Variants in GRIK4 observed in about 807,000 individuals in gnomAD.
GRIK4 encodes glutamate ionotropic receptor kainate type subunit 4, also known as glutamate receptor ionotropic, kainate 4.
A neutral mutation model predicts 104.9 loss-of-function variants in GRIK4; 40 were observed. The observed-to-expected ratio is 0.38, with a 90% CI of 0.30 to 0.50. The LOEUF (loss-of-function observed/expected upper bound fraction) is 0.50. Ranked by LOEUF, GRIK4 falls within the 20% of genes least tolerant of loss-of-function variation. GRIK4 has a pLI of 0.93. For missense variants in GRIK4, 1,047 were observed against 1,308.1 expected (o/e 0.80, Z 3.08); for synonymous variants, 485 against 524.9 (o/e 0.92, Z 1.04).
chr11:120,984,639 G>A (rs11607159), intron 20 of GRIK4, among the ~76,000 whole-genome samples: 35,104 of 151,396 alleles, frequency 0.23, 4,234 homozygotes, highest in African/African-American at 0.3. Flanking sequence ...GTGATGGCAC[G>A]TGCCTGTAAT....
intron 7 of GRIK4, among the ~76,000 whole-genome samples, chr11:120,833,949 G>A (rs1295588004): frequency 1.3e-5 from 2 of 152,056 alleles, no homozygotes; most frequent in African/African-American, 4.8e-5. Flanking sequence ...ATCATACAGA[G>A]TTCCCATAAT....
chr11:120,607,912 C>T (rs1009517418), intron 1 of GRIK4, among the ~76,000 whole-genome samples: 9 of 152,066 alleles, frequency 5.9e-5, no homozygotes, highest in Non-Finnish European at 1.0e-4. Context: ...AGGTGAGACC[C>T]TGGATTCCAG....
At chr11:120,890,212 C>G (rs775991096) in intron 11 of GRIK4, among the ~76,000 whole-genome samples, 1 of 152,108 alleles carries the variant, frequency 6.6e-6, no homozygotes, top group African/African-American at 2.4e-5. Context: ...ACAACAACAA[C>G]GCTGTACTAT....
chr11:120,546,176 A>C (rs1264464968), intron 1 of GRIK4, among the ~76,000 whole-genome samples: 1 of 152,124 alleles, frequency 6.6e-6, no homozygotes, highest in Non-Finnish European at 1.5e-5. Flanking sequence ...AGGAGATTTT[A>C]GCAGCAGGGA....
intron 1 of GRIK4, among the ~76,000 whole-genome samples, chr11:120,629,370 T>C (rs1286396421): frequency 1.3e-5 from 2 of 152,110 alleles, no homozygotes; most frequent in Non-Finnish European, 2.9e-5. Context: ...TTAAATGAAA[T>C]AAAATGTGAA....
rs147137115 is a variant in GRIK4 at position 120,587,893 on chromosome 11, C to T, written c.-158-65792C>T. ...CCTTGTTGGACAAGGATGCCACTGCCGGAGCAACTAGCTGCATTATTAAGA... is the reference window on the plus strand; with the variant it reads ...CCTTGTTGGACAAGGATGCCACTGCTGGAGCAACTAGCTGCATTATTAAGA... On this transcript the variant is annotated intron_variant, in intron 1 of 20. Coordinates refer to ENST00000527524, the MANE Select transcript of GRIK4 (RefSeq NM_014619.5). Among the ~76,000 whole-genome samples, 57 of 152,264 alleles carry T rather than the reference C, an allele frequency of 3.7e-4. No individual in the cohort carries two copies. The East Asian group carries it at 7.9e-3, about 21-fold the overall frequency.
chr11:120,936,642 T>C (rs1943603642), intron 13 of GRIK4: 1 of 154,758 alleles, frequency 6.5e-6, no homozygotes, highest in Non-Finnish European at 1.4e-5. Context: ...CTTCTTAGGG[T>C]CGTCTTTGCC....
chr11:120,867,511 C>T (rs966580692), intron 9 of GRIK4, among the ~76,000 whole-genome samples: 1 of 152,066 alleles, frequency 6.6e-6, no homozygotes, highest in Non-Finnish European at 1.5e-5. Context: ...CACGATGTTC[C>T]CTGCTCTTTC....
intron 1 of GRIK4, among the ~76,000 whole-genome samples, chr11:120,571,951 C>T (rs1340182841): frequency 6.6e-6 from 1 of 152,240 alleles, no homozygotes; most frequent in Non-Finnish European, 1.5e-5. Context: ...CGGAGGCATC[C>T]TGTCTATGTC....
intron 3 of GRIK4, among the ~76,000 whole-genome samples, chr11:120,695,188 C>T (rs889857154): frequency 4.6e-5 from 7 of 152,220 alleles, no homozygotes; most frequent in South Asian, 2.1e-4. Context: ...TTCATTCTCA[C>T]GAGCTGGGCT....
chr11:120,728,246 G>C (rs910951029), intron 3 of GRIK4, among the ~76,000 whole-genome samples: 9 of 152,198 alleles, frequency 5.9e-5, no homozygotes, highest in Middle Eastern at 6.8e-3. Context: ...TGTTATGAGA[G>C]AAGAAAATGG....
chr11:120,545,581 T>C (rs1948078317), intron 1 of GRIK4, among the ~76,000 whole-genome samples: 1 of 152,194 alleles, frequency 6.6e-6, no homozygotes, highest in East Asian at 1.9e-4. Flanking sequence ...GTTAAGTAAC[T>C]TGGCAGAGGT....
intron 3 of GRIK4, among the ~76,000 whole-genome samples, chr11:120,721,396 AG>A (rs1182055401): frequency 6.6e-6 from 1 of 152,208 alleles, no homozygotes; most frequent in East Asian, 1.9e-4. Flanking sequence ...AGAAAAATCA[AG>A]GTGCAGTAAG....
chr11:120,672,194 G>A (rs1950029925), intron 3 of GRIK4, among the ~76,000 whole-genome samples: 2 of 152,268 alleles, frequency 1.3e-5, no homozygotes, highest in Admixed American at 1.3e-4. Flanking sequence ...GAGGCAGGCG[G>A]ATCATGAGTT....
At chr11:120,928,905 GC>G (rs1943412401) in intron 13 of GRIK4, among the ~76,000 whole-genome samples, 1 of 152,164 alleles carries the variant, frequency 6.6e-6, no homozygotes, top group African/African-American at 2.4e-5. Context: ...GATAGGCCTG[GC>G]CCAGTGAGCA....
intron 3 of GRIK4, among the ~76,000 whole-genome samples, chr11:120,694,937 C>A (rs1416720107): frequency 6.6e-5 from 10 of 152,224 alleles, no homozygotes; most frequent in Non-Finnish European, 2.9e-5. Context: ...CCTAGATTAT[C>A]ATTCTTGGCT....
chr11:120,562,227 C>T (rs1948247557), intron 1 of GRIK4, among the ~76,000 whole-genome samples: 1 of 152,212 alleles, frequency 6.6e-6, no homozygotes, highest in Admixed American at 6.5e-5. Context: ...AGTGACATGG[C>T]AGATGGAAGA....
At chr11:120,588,984 T>C (rs1948703216) in intron 1 of GRIK4, among the ~76,000 whole-genome samples, 1 of 152,144 alleles carries the variant, frequency 6.6e-6, no homozygotes, top group Non-Finnish European at 1.5e-5. Flanking sequence ...GGGACTTTAT[T>C]CTAGAAATAA....
chr11:120,605,167 G>C (rs1448889276), intron 1 of GRIK4, among the ~76,000 whole-genome samples: 4 of 152,204 alleles, frequency 2.6e-5, no homozygotes, highest in Admixed American at 6.5e-5. Context: ...AACTTTCCAA[G>C]TGATACTGAT....
Sources: gnomAD v4.1 joint callset for allele counts (sites outside exome capture counted in the v4.1 genomes callset) on GRCh38, gnomAD v4.1.1 for gene constraint, MANE v1.5 for transcripts, NCBI Gene and HGNC (gene_info 2026-07-23, HGNC 2026-07-21) for gene names.